Variants in LRRC37A2 observed in about 807,000 individuals in gnomAD.
LRRC37A2 encodes the protein leucine rich repeat containing 37 member A2.
A neutral mutation model predicts 68.8 loss-of-function variants in LRRC37A2; 9 were observed. The observed-to-expected ratio is 0.13, with a 90% CI of 0.08 to 0.23. The LOEUF (loss-of-function observed/expected upper bound fraction) is 0.23. LRRC37A2 is among the 10% of genes least tolerant of loss of function. LRRC37A2 has a pLI of 1.00. For synonymous variants in LRRC37A2, 63 were observed against 367.6 expected (o/e 0.17, Z 9.48); for missense variants, 168 against 950.4 (o/e 0.18, Z 10.82).
At chr17:46,976,540 C>G in the LRRC37A2 span, among the ~76,000 whole-genome samples, 1 of 151,972 alleles carries the variant, frequency 6.6e-6, no homozygotes, top group Non-Finnish European at 1.5e-5. Flanking sequence ...GAGTGAGATT[C>G]CATCTCAAAC....
chr17:46,940,920 GA>G, the LRRC37A2 span: 2 of 1,325,176 alleles, frequency 1.5e-6, no homozygotes, highest in South Asian at 1.5e-5. Context: ...AGTGCCTGGT[GA>G]AAAATAGACC....
At chr17:46,896,452 A>AAGAAAAAGAAAGAAAGAAAG in the LRRC37A2 span, among the ~76,000 whole-genome samples, 51 of 65,836 alleles carry the variant, frequency 7.7e-4, no homozygotes, top group African/African-American at 2.5e-3. Context: ...GAAAGAAAGA[A>AAGAAAAAGAAAGAAAGAAAG]AAAGAAAGAA....
chr17:46,545,247 C>T (rs1294149744), intron 8 of LRRC37A2, among the ~76,000 whole-genome samples: 1 of 131,510 alleles, frequency 7.6e-6, no homozygotes, highest in Non-Finnish European at 1.6e-5. Flanking sequence ...GCCTGAGCAA[C>T]ATGGGGAAAC....
At chr17:46,742,795 A>G in the LRRC37A2 span, among the ~76,000 whole-genome samples, 2 of 152,204 alleles carry the variant, frequency 1.3e-5, no homozygotes, top group East Asian at 3.8e-4. Flanking sequence ...CGGGGAGTTG[A>G]CAGGCTAGAA....
At chr17:46,808,714 A>T in the LRRC37A2 span, among the ~76,000 whole-genome samples, 32 of 152,272 alleles carry the variant, frequency 2.1e-4, no homozygotes, top group Admixed American at 3.3e-4. Flanking sequence ...AAAATTAATG[A>T]CTTAGACACT....
chr17:46,772,274 C>T, the LRRC37A2 span, among the ~76,000 whole-genome samples: 6 of 152,364 alleles, frequency 3.9e-5, no homozygotes, highest in East Asian at 1.2e-3. Flanking sequence ...GCAACCCAAA[C>T]CTGTCCTCGG....
At chr17:46,955,336 T>G in the LRRC37A2 span, among the ~76,000 whole-genome samples, 2 of 152,162 alleles carry the variant, frequency 1.3e-5, no homozygotes. Context: ...TTTCGTATGT[T>G]GAACCAGCCT....
the LRRC37A2 span, chr17:47,010,494 C>G: frequency 6.6e-6 from 1 of 152,370 alleles, no homozygotes. Flanking sequence ...TCCTTCCAGG[C>G]ACAGCTGCTA....
chr17:46,386,148 G>A, the LRRC37A2 span, among the ~76,000 whole-genome samples: 5 of 121,450 alleles, frequency 4.1e-5, no homozygotes, highest in Non-Finnish European at 5.7e-5. Flanking sequence ...ACACAGGCCG[G>A]AGTGCAGTAG....
chr17:46,874,588 AT>A, the LRRC37A2 span, among the ~76,000 whole-genome samples: 1 of 152,034 alleles, frequency 6.6e-6, no homozygotes, highest in East Asian at 1.9e-4. Flanking sequence ...AATTAAAAAA[AT>A]TTTTTTGAGA....
At chr17:46,772,146 AG>A in the LRRC37A2 span, among the ~76,000 whole-genome samples, 1 of 152,164 alleles carries the variant, frequency 6.6e-6, no homozygotes, top group Non-Finnish European at 1.5e-5. Flanking sequence ...CCTGGGTTCA[AG>A]GTCCGGGCTC....
chr17:46,490,503 G>A, the LRRC37A2 span, among the ~76,000 whole-genome samples: 8 of 150,946 alleles, frequency 5.3e-5, no homozygotes, highest in South Asian at 2.1e-4. Flanking sequence ...CGGGTGGATT[G>A]CCTGAGCTCG....
At chr17:46,818,895 C>T in the LRRC37A2 span, 2 of 496,756 alleles carry the variant, frequency 4.0e-6, no homozygotes, top group African/African-American at 2.0e-5. Flanking sequence ...AGGGCATCGC[C>T]CAGCAAACTT....
the LRRC37A2 span, among the ~76,000 whole-genome samples, chr17:46,663,998 AC>A: frequency 6.9e-6 from 1 of 145,864 alleles, no homozygotes; most frequent in Non-Finnish European, 1.5e-5. Context: ...AGTTGGTGGG[AC>A]AACAGCAAGT....
At chr17:46,936,741 G>A in the LRRC37A2 span, 1 of 983,982 alleles carries the variant, frequency 1.0e-6, no homozygotes. Context: ...AGCCAAGCAG[G>A]ACTTTAGCAA....
chr17:46,897,912 A>C, the LRRC37A2 span, among the ~76,000 whole-genome samples: 2 of 152,166 alleles, frequency 1.3e-5, no homozygotes, highest in African/African-American at 2.4e-5. Context: ...AAGAGGTGTC[A>C]TGTGGGTGGG....
chr17:46,675,598 A>T, the LRRC37A2 span, among the ~76,000 whole-genome samples: 4 of 131,872 alleles, frequency 3.0e-5, 1 homozygote, highest in African/African-American at 6.3e-5. Flanking sequence ...GTGGGTGTAT[A>T]TGCATACATA....
At chr17:46,703,854 A>AT in the LRRC37A2 span, among the ~76,000 whole-genome samples, 2 of 143,378 alleles carry the variant, frequency 1.4e-5, no homozygotes, top group African/African-American at 5.2e-5. Context: ...CCATACCCAT[A>AT]AACAGTAACT....
the LRRC37A2 span, chr17:46,935,001 TAATC>T: frequency 6.2e-7 from 1 of 1,608,874 alleles, no homozygotes; most frequent in East Asian, 2.2e-5. Flanking sequence ...TAAGCAAAGT[TAATC>T]AAGTGCCTGT....
Sources: gnomAD v4.1 joint callset for allele counts (sites outside exome capture counted in the v4.1 genomes callset) on GRCh38, gnomAD v4.1.1 for gene constraint, MANE v1.5 for transcripts, NCBI Gene and HGNC (gene_info 2026-07-23, HGNC 2026-07-21) for gene names.